KCNAB2: variants seen among roughly 807,000 people sequenced by gnomAD.
KCNAB2 encodes voltage-gated potassium channel subunit beta-2.
In KCNAB2, 29 loss-of-function variants were observed where a neutral mutation model predicts 63.6. The ratio of observed to expected loss-of-function variants is 0.46; its 90% CI spans 0.34 to 0.62. KCNAB2 has a LOEUF of 0.62. Ranked by LOEUF, KCNAB2 falls within the 20% of genes least tolerant of loss-of-function variation. The pLI, the probability that KCNAB2 is intolerant of heterozygous loss-of-function variation, is 0.01. For synonymous variants in KCNAB2, 222 were observed against 224.2 expected (o/e 0.99, Z 0.09); for missense variants, 359 against 563.9 (o/e 0.64, Z 3.68).
At chr1:6,017,598 A>G (rs1658584736) in intron 1 of KCNAB2, among the ~76,000 whole-genome samples, 1 of 152,130 alleles carries the variant, frequency 6.6e-6, no homozygotes, top group African/African-American at 2.4e-5. Flanking sequence ...GTTCGAGACC[A>G]TCTTGGCCAA....
At chr1:6,072,626 C>A (rs993747840) in intron 2 of KCNAB2, 129 bp from the exon 3 acceptor site, 5 of 987,210 alleles carry the variant, frequency 5.1e-6, no homozygotes, top group African/African-American at 4.8e-5. Context: ...GTCCCCGGTG[C>A]CTTTCGGAGC....
intron 1 of KCNAB2, among the ~76,000 whole-genome samples, chr1:6,001,296 C>CCACACACACA (rs56828069): frequency 6.8e-6 from 1 of 147,070 alleles, no homozygotes; most frequent in Non-Finnish European, 1.5e-5. Context: ...CATGTGATCA[C>CCACACACACA]CACACACACA....
chr1:6,041,947 C>T (rs1178663922), upstream of KCNAB2: 10 of 1,345,648 alleles, frequency 7.4e-6, no homozygotes, highest in East Asian at 9.2e-5. Flanking sequence ...GCACCCTTGC[C>T]GAGCAGGGTG....
upstream of KCNAB2, chr1:6,041,950 G>A: frequency 7.7e-7 from 1 of 1,293,136 alleles, no homozygotes; most frequent in Admixed American, 1.7e-5. Context: ...CCCTTGCCGA[G>A]CAGGGTGTGC....
chr1:6,100,170 G>A lies in KCNAB2; in HGVS notation c.*1596G>A, dbSNP rs768941879. The A allele has an allele frequency of 4.7e-5, 61 of 1,297,866 alleles. No homozygotes were observed. The highest frequency in any genetic ancestry group is 6.0e-5 in the Non-Finnish European group (60 of 994,254). 80.4% of individuals were successfully genotyped at this position (1,297,866 alleles called of 1,614,324 possible). On this transcript the variant is annotated 3_prime_UTR_variant, in exon 16 of 16. Transcript: ENST00000378083. ...GCTGTCCAGTCCTGGCCGGGCCAAG[G>A]CCTGGGAAACTGTGAAAGTCAGAAA...
At chr1:6,054,447 T>C (rs945004033) in intron 2 of KCNAB2, among the ~76,000 whole-genome samples, 1 of 152,274 alleles carries the variant, frequency 6.6e-6, no homozygotes, top group East Asian at 1.9e-4. Flanking sequence ...CTGGGCAACA[T>C]GGCAAAAGCC....
At chr1:6,094,515 C>T in intron 11 of KCNAB2, 30 bp downstream of exon 11, 1 of 1,567,108 alleles carries the variant, frequency 6.4e-7, no homozygotes, top group Non-Finnish European at 8.7e-7. Context: ...TGTGTGTGTC[C>T]AGGCACAGAC....
Position 6,087,782 on chromosome 1 carries a change from C to T in KCNAB2, c.470+271C>T, listed in dbSNP as rs1018871302. On this transcript the variant is annotated intron_variant, in intron 7 of 15. Transcript: ENST00000378083. The surrounding 1 kb of genome is among the most constrained non-coding windows in gnomAD (Gnocchi z 6.4). ...TCAAATCCAGAAAAGAAGCTGTGGC[C>T]GAGTTTGCCTTTTACAAAAACCTCG... 1.3e-5 allele frequency among the ~76,000 whole-genome samples: 2 copies of T among 152,226 alleles called. No homozygotes were observed. The highest frequency in any genetic ancestry group is 2.4e-5 in the African/African-American group (1 of 41,464).
At position 6,100,153 on chromosome 1, in the gene KCNAB2, G is replaced by C. The variant is rs1401282110; in HGVS notation, c.*1579G>C. 2 of 1,369,498 alleles carry C rather than the reference G, an allele frequency of 1.5e-6. No homozygotes were observed. Among genetic ancestry groups the C allele is most frequent in the Admixed American group, 3.2e-5 (1 of 30,874 alleles). 84.8% of individuals were successfully genotyped at this position (1,369,498 alleles called of 1,614,324 possible). A position where few individuals can be genotyped will look rare whatever the true frequency, so the allele number is the denominator to read the frequency against. Reference sequence around the variant, plus strand: ...CCGTCCTGCGGGAGCCTGCTGTCCAGTCCTGGCCGGGCCAAGGCCTGGGAA... The same window carrying C: ...CCGTCCTGCGGGAGCCTGCTGTCCACTCCTGGCCGGGCCAAGGCCTGGGAA... On this transcript the variant is annotated 3_prime_UTR_variant, in exon 16 of 16. Coordinates refer to ENST00000378083, the MANE Select transcript of KCNAB2 (RefSeq NM_001199862.2).
At chr1:6,058,141 C>G (rs891613325) in intron 2 of KCNAB2, among the ~76,000 whole-genome samples, 2 of 152,122 alleles carry the variant, frequency 1.3e-5, no homozygotes, top group Non-Finnish European at 2.9e-5. Flanking sequence ...AGAACAAGAC[C>G]CTGCCTCAAA....
intron 1 of KCNAB2, among the ~76,000 whole-genome samples, chr1:6,004,513 T>G (rs1213787572): frequency 6.6e-6 from 1 of 152,044 alleles, no homozygotes; most frequent in African/African-American, 2.4e-5. Flanking sequence ...CGAGGTAGCA[T>G]GTGTTCCAGG....
At chr1:6,091,799 G>A (rs893316361) in intron 10 of KCNAB2, among the ~76,000 whole-genome samples, 3 of 152,154 alleles carry the variant, frequency 2.0e-5, no homozygotes, top group Non-Finnish European at 2.9e-5. Context: ...GGCTTGTCAC[G>A]CTGCCCCGTC....
In KCNAB2 at chr1:6,003,088, G is replaced by A. The variant is rs1169799016; in HGVS notation, c.-53+10300G>A. On this transcript the variant is annotated intron_variant, in intron 1 of 16. Coordinates refer to the KCNAB2 transcript ENST00000341524. The surrounding 1 kb of genome is among the most constrained non-coding windows in gnomAD (Gnocchi z 4.1). ...AGACGCCTGATCCTGCGCCCCAGGC[G>A]ACCCGTTCACGGGGCGGGCGCTCGC... Among the ~76,000 whole-genome samples the A allele has an allele frequency of 2.0e-5, 3 of 152,204 alleles. No individual in the cohort carries two copies. The highest frequency in any genetic ancestry group is 2.4e-5 in the African/African-American group (1 of 41,450).
chr1:5,997,454 G>A (rs1326221901), intron 1 of KCNAB2, among the ~76,000 whole-genome samples: 2 of 152,182 alleles, frequency 1.3e-5, no homozygotes, highest in Non-Finnish European at 2.9e-5. Context: ...TGGAGGGCCT[G>A]CAAGCCTGCC....
intron 10 of KCNAB2, among the ~76,000 whole-genome samples, chr1:6,093,066 G>A (rs966372106): frequency 1.3e-5 from 2 of 152,208 alleles, no homozygotes; most frequent in African/African-American, 4.8e-5. Flanking sequence ...TTGTGGCCTC[G>A]TTGCCATTCC....
At chr1:6,027,948 C>G (rs571548836) in intron 1 of KCNAB2, among the ~76,000 whole-genome samples, 2 of 152,362 alleles carry the variant, frequency 1.3e-5, no homozygotes, top group African/African-American at 4.8e-5. Context: ...TTCTTCTCCT[C>G]GCATTTCTTT....
intron 1 of KCNAB2, among the ~76,000 whole-genome samples, chr1:6,004,999 A>G (rs1557921061): frequency 6.1e-5 from 6 of 98,296 alleles, no homozygotes; most frequent in South Asian, 3.4e-4. Flanking sequence ...GAGATCTGGG[A>G]GCTGAGCTAA....
At chr1:5,998,458 G>A (rs1657056584) in intron 1 of KCNAB2, among the ~76,000 whole-genome samples, 1 of 152,180 alleles carries the variant, frequency 6.6e-6, no homozygotes, top group Non-Finnish European at 1.5e-5. Context: ...TAGGGCTGGG[G>A]TTCACAGGAG....
At chr1:6,001,622 C>T (rs781341538) in intron 1 of KCNAB2, among the ~76,000 whole-genome samples, 2 of 152,112 alleles carry the variant, frequency 1.3e-5, no homozygotes, top group African/African-American at 2.4e-5. Flanking sequence ...AGAGGTGGCA[C>T]CTCAGGTCAG....
Sources: gnomAD v4.1 joint callset for allele counts (sites outside exome capture counted in the v4.1 genomes callset) on GRCh38, gnomAD v4.1.1 for gene constraint, Gnocchi (gnomAD v3.1) non-coding constraint, MANE v1.5 for transcripts, NCBI Gene and HGNC (gene_info 2026-07-23, HGNC 2026-07-21) for gene names.